Variants in GSDMC observed in about 807,000 individuals in gnomAD.
GSDMC encodes gasdermin-C.
In GSDMC, 59 loss-of-function variants were observed where a neutral mutation model predicts 58.0. That is an observed-to-expected ratio of 1.02 (90% confidence interval 0.82 to 1.26). GSDMC has a LOEUF of 1.26. Ranked by LOEUF, GSDMC falls within the 50% of genes most tolerant of loss-of-function variation. GSDMC has a pLI of 0.00. For missense variants in GSDMC, 659 were observed against 598.5 expected (o/e 1.10, Z -1.06); for synonymous variants, 241 against 220.2 (o/e 1.09, Z -0.83).
intron 6 of GSDMC, among the ~76,000 whole-genome samples, chr8:129,756,844 A>G (rs893921075): frequency 6.6e-6 from 1 of 152,144 alleles, no homozygotes; most frequent in Non-Finnish European, 1.5e-5. Context: ...AAATTGAAAC[A>G]TTTCTTGAAA....
the GSDMC span, among the ~76,000 whole-genome samples, chr8:129,732,932 C>G: frequency 0.32 from 49,410 of 152,146 alleles, 11,627 homozygotes; most frequent in African/African-American, 0.65. Flanking sequence ...CAGACTGTAC[C>G]TGGAAAATCA....
chr8:129,780,402 G>GA (rs2034370168), intron 1 of GSDMC, among the ~76,000 whole-genome samples: 1 of 151,580 alleles, frequency 6.6e-6, no homozygotes, highest in African/African-American at 2.4e-5. Flanking sequence ...CAAAAGAAAA[G>GA]AAAAAATAAC....
chr8:129,784,104 T>C (rs576123677), intron 1 of GSDMC, among the ~76,000 whole-genome samples: 4 of 152,138 alleles, frequency 2.6e-5, no homozygotes, highest in Admixed American at 1.3e-4. Context: ...AAATAGATTA[T>C]AGACTTCAAT....
chr8:129,738,556 C>A, the GSDMC span, among the ~76,000 whole-genome samples: 1 of 152,070 alleles, frequency 6.6e-6, no homozygotes, highest in East Asian at 1.9e-4. Flanking sequence ...ATCACAAGGA[C>A]AGAAAACCAA....
At chr8:129,768,596 A>G (rs1345033251) in intron 3 of GSDMC, among the ~76,000 whole-genome samples, 1 of 152,242 alleles carries the variant, frequency 6.6e-6, no homozygotes, top group Non-Finnish European at 1.5e-5. Flanking sequence ...TCAACAGCAG[A>G]TTCAATCAAG....
chr8:129,754,299 C>CAG (rs145563123), intron 6 of GSDMC, among the ~76,000 whole-genome samples: 114,748 of 151,760 alleles, frequency 0.76, 43,499 homozygotes, highest in African/African-American at 0.81. Context: ...TGGCTCAGTA[C>CAG]AGAGAGAGAG....
chr8:129,768,255 T>C (rs534032546), intron 3 of GSDMC, among the ~76,000 whole-genome samples: 1 of 152,194 alleles, frequency 6.6e-6, no homozygotes, highest in Non-Finnish European at 1.5e-5. Context: ...TCTACTGATA[T>C]GAACCTGTTA....
At chr8:129,706,172 G>A in the GSDMC span, among the ~76,000 whole-genome samples, 1 of 152,098 alleles carries the variant, frequency 6.6e-6, no homozygotes, top group South Asian at 2.1e-4. Flanking sequence ...GGTTGATGTG[G>A]ATGCATTCCA....
At chr8:129,715,855 A>G in the GSDMC span, among the ~76,000 whole-genome samples, 1 of 152,222 alleles carries the variant, frequency 6.6e-6, no homozygotes, top group Non-Finnish European at 1.5e-5. Flanking sequence ...ACAATGTAGT[A>G]CAGGTTTTAT....
chr8:129,785,586 T>C (rs571428383), intron 1 of GSDMC, among the ~76,000 whole-genome samples: 1 of 152,114 alleles, frequency 6.6e-6, no homozygotes, highest in Admixed American at 6.5e-5. Flanking sequence ...TATAATTGTA[T>C]TGTTACAATT....
the GSDMC span, among the ~76,000 whole-genome samples, chr8:129,719,571 A>C: frequency 6.6e-6 from 1 of 152,214 alleles, no homozygotes; most frequent in African/African-American, 2.4e-5. Flanking sequence ...AGCATAATAC[A>C]CATTTTTTTC....
chr8:129,730,108 A>T, the GSDMC span: 3 of 961,286 alleles, frequency 3.1e-6, no homozygotes, highest in Admixed American at 2.9e-5. Flanking sequence ...AACACTATTC[A>T]GGTGTTTCTG....
chr8:129,740,162 T>C, the GSDMC span, among the ~76,000 whole-genome samples: 49,404 of 152,120 alleles, frequency 0.32, 11,622 homozygotes, highest in African/African-American at 0.65. Context: ...CTAAATATTA[T>C]AAAAGAGTCA....
intron 3 of GSDMC, among the ~76,000 whole-genome samples, chr8:129,771,695 C>A: frequency 6.7e-6 from 1 of 149,200 alleles, no homozygotes. Context: ...TTTCAAGTAT[C>A]TTTTCCAATA....
intron 5 of GSDMC, among the ~76,000 whole-genome samples, chr8:129,761,517 A>G (rs2033660460): frequency 6.6e-6 from 1 of 152,182 alleles, no homozygotes; most frequent in Non-Finnish European, 1.5e-5. Context: ...TTCTATCTGG[A>G]TACTACCACA....
chr8:129,727,721 C>T, the GSDMC span, among the ~76,000 whole-genome samples: 6 of 152,182 alleles, frequency 3.9e-5, no homozygotes, highest in Admixed American at 1.3e-4. Flanking sequence ...AGCATGACTG[C>T]GCAGGCATTT....
At chr8:129,741,717 G>A in the GSDMC span, among the ~76,000 whole-genome samples, 1 of 152,046 alleles carries the variant, frequency 6.6e-6, no homozygotes, top group African/African-American at 2.4e-5. Flanking sequence ...TTAGAAGACA[G>A]TATGGAGGTC....
chr8:129,746,940 G>C (rs1297602169), downstream of GSDMC, among the ~76,000 whole-genome samples: 3 of 152,082 alleles, frequency 2.0e-5, no homozygotes, highest in African/African-American at 7.2e-5. Context: ...CAAAATGACT[G>C]ATACTTACCA....
At chr8:129,708,882 C>T in the GSDMC span, among the ~76,000 whole-genome samples, 1 of 152,270 alleles carries the variant, frequency 6.6e-6, no homozygotes, top group African/African-American at 2.4e-5. Context: ...TGGACAATGG[C>T]CCATGCCACC....
Sources: gnomAD v4.1 joint callset for allele counts (sites outside exome capture counted in the v4.1 genomes callset) on GRCh38, gnomAD v4.1.1 for gene constraint, MANE v1.5 for transcripts, NCBI Gene and HGNC (gene_info 2026-07-23, HGNC 2026-07-21) for gene names.